SDK2: variants seen among roughly 807,000 people sequenced by gnomAD.
SDK2 encodes the protein protein sidekick-2.
In SDK2, 105 loss-of-function variants were observed where a neutral mutation model predicts 253.9. That is an observed-to-expected ratio of 0.41 (90% CI 0.35 to 0.49). The LOEUF (loss-of-function observed/expected upper bound fraction) is 0.49, where lower values mean the gene tolerates loss of function less well. Ranked by LOEUF, SDK2 falls within the 20% of genes least tolerant of loss-of-function variation. SDK2 has a pLI of 0.06. For synonymous variants in SDK2, 1,249 were observed against 1,234.9 expected (o/e 1.01, Z -0.24); for missense variants, 2,608 against 3,003.0 (o/e 0.87, Z 3.07).
chr17:73,458,479 T>C (rs1216917682), intron 3 of SDK2, among the ~76,000 whole-genome samples: 1 of 152,196 alleles, frequency 6.6e-6, no homozygotes, highest in Non-Finnish European at 1.5e-5. Context: ...GGCCTACAAG[T>C]TCATTTTCCA....
At chr17:73,560,453 T>TCTCAGCCTCCTGAGTAGCTGGGACTA (rs1264028428) in intron 1 of SDK2, among the ~76,000 whole-genome samples, 1 of 152,230 alleles carries the variant, frequency 6.6e-6, no homozygotes, top group Non-Finnish European at 1.5e-5. Context: ...CAATTCTCTG[T>TCTCAGCCTCCTGAGTAGCTGGGACTA]CTCAGCCTCC....
intron 2 of SDK2, among the ~76,000 whole-genome samples, chr17:73,483,631 GTATA>G (rs1167237578): frequency 2.5e-5 from 2 of 78,838 alleles, no homozygotes; most frequent in African/African-American, 4.9e-5. Flanking sequence ...ATATGTATAT[GTATA>G]TATATATGTG....
intron 1 of SDK2, among the ~76,000 whole-genome samples, chr17:73,601,209 G>A (rs1210628199): frequency 6.6e-6 from 1 of 151,766 alleles, no homozygotes; most frequent in South Asian, 2.1e-4. Flanking sequence ...TAGTAAAGAC[G>A]GGGTTTCACC....
chr17:73,437,936 G>T (rs764700958), intron 7 of SDK2, 28 bp downstream of exon 7: 1 of 1,563,856 alleles, frequency 6.4e-7, no homozygotes. Flanking sequence ...CCCCTCAGGG[G>T]AGCCCTAGCA....
At chr17:73,371,023 C>T (rs2062731014) in intron 36 of SDK2, among the ~76,000 whole-genome samples, 1 of 151,920 alleles carries the variant, frequency 6.6e-6, no homozygotes, top group Non-Finnish European at 1.5e-5. Context: ...GAGATCACAC[C>T]ACTGCACTCC....
chr17:73,635,980 G>C (rs764051114), intron 1 of SDK2, among the ~76,000 whole-genome samples: 2 of 152,166 alleles, frequency 1.3e-5, no homozygotes, highest in Non-Finnish European at 2.9e-5. Context: ...AAAAGGAAGA[G>C]GAGGAGGAGG....
intron 27 of SDK2, 121 bp from the exon 28 acceptor site, chr17:73,391,659 T>C (rs1380190706): frequency 2.3e-6 from 1 of 430,318 alleles, no homozygotes; most frequent in African/African-American, 2.0e-5. Flanking sequence ...GCTCAGTGAA[T>C]TTCTGTGGAG....
rs1199807373 is a variant in SDK2, at chr17:73,472,224, G to T, written c.225-6C>A. 5.8e-6 allele frequency: 9 copies of T among 1,548,924 alleles called. No homozygotes were observed. Among genetic ancestry groups the T allele is most frequent in the Non-Finnish European group, 7.9e-6 (9 of 1,144,420 alleles). On this transcript the variant is annotated splice_region_variant and splice_polypyrimidine_tract_variant and intron_variant, in intron 2 of 44. Transcript: ENST00000392650. ...CCAGGCTGGTGATCATGTATCTATG[G>T]GACAGACGAGACAGCCAGTGAGCAA...
In SDK2 at chr17:73,408,928, T is replaced by C. The variant is rs186934108; in HGVS notation, c.2484+5716A>G. 2.0e-3 allele frequency among the ~76,000 whole-genome samples: 312 copies of C among 152,350 alleles called. 1 individual carries two copies. Among genetic ancestry groups the C allele is most frequent in the African/African-American group, 7.4e-3 (307 of 41,588 alleles). On this transcript the variant is annotated intron_variant, in intron 18 of 44. Transcript: ENST00000392650. The stretch of plus-strand genomic sequence containing the variant: ...CAGGGCCTGCTGATATTTTTAGCTA[T>C]CATAATGATAATGCAGTTACTGTGG...
At chr17:73,544,520 G>A (rs532665769) in intron 1 of SDK2, among the ~76,000 whole-genome samples, 19 of 152,234 alleles carry the variant, frequency 1.2e-4, no homozygotes, top group African/African-American at 2.6e-4. Context: ...AAAGACAAAC[G>A]GACAGATGAA....
intron 18 of SDK2, among the ~76,000 whole-genome samples, chr17:73,412,822 G>T (rs2063150332): frequency 2.0e-5 from 3 of 152,142 alleles, no homozygotes; most frequent in Admixed American, 2.0e-4. Context: ...GGAGGCTGAG[G>T]CAAGAGAATT....
rs867100589 is a variant in SDK2 at position 73,644,279 on chromosome 17, A to G, written c.-191T>C. Among the ~76,000 whole-genome samples the G allele has an allele frequency of 1.1e-4, 17 of 152,064 alleles. No individual in the cohort carries two copies. On this transcript the variant is annotated 5_prime_UTR_variant, in exon 1 of 45. Transcript: ENST00000392650. This position sits in a 1 kb window ranked among gnomAD's most constrained non-coding sequence, Gnocchi z 6.3. ...CCAACCCTTCCTCCTCTTCTGTACT[A>G]GTCCGAGCCCGGCAGCGCGCCCGGA...
chr17:73,557,549 T>C (rs2045162945), intron 1 of SDK2, among the ~76,000 whole-genome samples: 1 of 152,138 alleles, frequency 6.6e-6, no homozygotes. Context: ...GTGGTCTGCC[T>C]ACCTCAGCTT....
chr17:73,386,921 C>T (rs1043878840), intron 30 of SDK2, among the ~76,000 whole-genome samples: 1 of 152,200 alleles, frequency 6.6e-6, no homozygotes, highest in Admixed American at 6.5e-5. Context: ...CTGCCCCCAA[C>T]AAACTGCCAT....
intron 3 of SDK2, among the ~76,000 whole-genome samples, chr17:73,457,631 C>T (rs576263496): frequency 6.6e-6 from 1 of 151,840 alleles, no homozygotes; most frequent in South Asian, 2.1e-4. Flanking sequence ...GATTACAGGT[C>T]TGAGCCACCG....
At chr17:73,483,307 CTTTTTTT>C (rs3070666) in intron 2 of SDK2, among the ~76,000 whole-genome samples, 2 of 116,932 alleles carry the variant, frequency 1.7e-5, no homozygotes, top group Admixed American at 1.8e-4. Context: ...CAAGACAGAA[CTTTTTTT>C]TTTTTTTTTT....
At chr17:73,497,462 T>C (rs975012026) in intron 2 of SDK2, among the ~76,000 whole-genome samples, 1 of 152,052 alleles carries the variant, frequency 6.6e-6, no homozygotes, top group African/African-American at 2.4e-5. Context: ...TCTTCAGACT[T>C]TTCTTCTAGT....
intron 44 of SDK2, among the ~76,000 whole-genome samples, chr17:73,347,236 T>C (rs972990237): frequency 5.3e-5 from 8 of 152,206 alleles, no homozygotes; most frequent in Non-Finnish European, 8.8e-5. Context: ...GGCACATGCC[T>C]GTAATCCCAG....
intron 44 of SDK2, among the ~76,000 whole-genome samples, chr17:73,346,400 T>G (rs2062485181): frequency 6.6e-6 from 1 of 150,444 alleles, no homozygotes; most frequent in African/African-American, 2.4e-5. Flanking sequence ...GTGTGCTAAG[T>G]ATATACATTT....
Sources: allele counts gnomAD v4.1 joint callset (sites outside exome capture counted in the v4.1 genomes callset), GRCh38; gene constraint gnomAD v4.1.1; non-coding constraint Gnocchi (gnomAD v3.1); transcripts MANE v1.5; gene names NCBI Gene and HGNC (gene_info 2026-07-23, HGNC 2026-07-21).